SLAMF1: variants seen among roughly 807,000 people sequenced by gnomAD.
SLAMF1 encodes the protein signaling lymphocytic activation molecule.
SLAMF1 carries 18 observed loss-of-function variants against 35.1 expected under a neutral mutation model. That is an observed-to-expected ratio of 0.51 (90% CI 0.35 to 0.76). The LOEUF (loss-of-function observed/expected upper bound fraction) is 0.76. Ranked by LOEUF, SLAMF1 falls within the 30% of genes least tolerant of loss-of-function variation. SLAMF1 has a pLI of 0.01. For missense variants in SLAMF1, 392 were observed against 413.0 expected, an observed-to-expected ratio of 0.95 and a Z score of 0.44; for synonymous variants, 168 against 157.2, an observed-to-expected ratio of 1.07 and a Z score of -0.51.
chr1:160,633,455 G>A (rs955065860), intron 3 of SLAMF1, among the ~76,000 whole-genome samples: 1 of 152,198 alleles, frequency 6.6e-6, no homozygotes, highest in Non-Finnish European at 1.5e-5. Flanking sequence ...GTGCTATGTG[G>A]AAGGGCATTA....
At chr1:160,631,260 A>G (rs894051055) in intron 3 of SLAMF1, among the ~76,000 whole-genome samples, 1 of 152,234 alleles carries the variant, frequency 6.6e-6, no homozygotes, top group Non-Finnish European at 1.5e-5. Flanking sequence ...AGGGCAGGCC[A>G]CAAACCAGCT....
chr1:160,639,879 T>C (rs975692201), intron 1 of SLAMF1, among the ~76,000 whole-genome samples: 2 of 152,164 alleles, frequency 1.3e-5, no homozygotes, highest in African/African-American at 4.8e-5. Context: ...ACGGCCACAC[T>C]GGCTCCTGGC....
At position 160,646,903 on chromosome 1, in the gene SLAMF1, G is replaced by A. The variant is rs1192157678; in HGVS notation, c.43C>T (p.Leu15Phe). The A allele has an allele frequency of 1.2e-6, 2 of 1,609,078 alleles. No individual in the cohort carries two copies. The highest frequency in any genetic ancestry group is 1.7e-6 in the Non-Finnish European group (2 of 1,175,884). Residue 15 changes from leucine (L) to phenylalanine (F), a missense_variant, in exon 1 of 7, where the codon CTC becomes TTC. By Grantham distance (22) the Leu-to-Phe change is conservative (BLOSUM62 0). Coordinates refer to ENST00000302035, the MANE Select transcript of SLAMF1 (RefSeq NM_003037.5). ...TAGCTTGCCCCAAAAGCCAGGGAGA[G>A]AAACAGCACGAAGGTCAAGGAGAGG... ...GLLSLTFVLF[L>F]SLAFGASYGT... is the part of the protein sequence containing the mutation.
intron 1 of SLAMF1, among the ~76,000 whole-genome samples, chr1:160,644,324 G>A (rs60563538): frequency 0.013 from 1,905 of 152,274 alleles, 40 homozygotes; most frequent in African/African-American, 0.043. Flanking sequence ...GCAGCTATGT[G>A]AGCGCAGAGA....
rs138977303 is a variant in SLAMF1 at position 160,643,837 on chromosome 1, T to C, written c.76+3033A>G. Among the ~76,000 whole-genome samples the C allele has an allele frequency of 2.4e-3, 367 of 152,302 alleles. 4 individuals are homozygous for C. The highest frequency in any genetic ancestry group is 5.8e-3 in the South Asian group (28 of 4,828). ...TTGTTAACTATAGTCACCGTACTGA[T>C]CTATCAAACACGAAGACCTATACAT... On this transcript the variant is annotated intron_variant, in intron 1 of 6. Transcript: ENST00000302035.
rs1200818994 is a variant in SLAMF1, at chr1:160,612,496, A to ACTCTGGGACAGG, written c.937_948dup (p.Pro313_Glu316dup). The ACTCTGGGACAGG allele has an allele frequency of 3.1e-6, 5 of 1,608,008 alleles. No homozygotes were observed. The highest frequency in any genetic ancestry group is 1.7e-5 in the Admixed American group (1 of 59,844). ...GCAGAGAGATGCCTCACCTGGACAG[A>ACTCTGGGACAGG]CTCTGGGACAGGCTCTGTGGCAGCA... On this transcript the variant is annotated inframe_insertion, in exon 6 of 7. Transcript: ENST00000302035.
At chr1:160,635,530 A>G (rs1444452153) in intron 2 of SLAMF1, among the ~76,000 whole-genome samples, 2 of 151,132 alleles carry the variant, frequency 1.3e-5, no homozygotes, top group Non-Finnish European at 3.0e-5. Flanking sequence ...TTTAGCAACT[A>G]TTATAGGACA....
At chr1:160,623,509 A>G (rs977774424) in intron 4 of SLAMF1, 1 of 398,574 alleles carries the variant, frequency 2.5e-6, no homozygotes, top group African/African-American at 2.1e-5. Flanking sequence ...TTACCATGGG[A>G]AGGCAGCCGG....
intron 1 of SLAMF1, among the ~76,000 whole-genome samples, chr1:160,641,261 A>G (rs1660729250): frequency 6.6e-6 from 1 of 152,124 alleles, no homozygotes; most frequent in African/African-American, 2.4e-5. Context: ...TTGATTTTTA[A>G]AGACCAACTT....
intron 1 of SLAMF1, among the ~76,000 whole-genome samples, chr1:160,645,964 T>G (rs1051405896): frequency 4.6e-5 from 7 of 152,124 alleles, no homozygotes; most frequent in African/African-American, 1.7e-4. Flanking sequence ...CCTCTTCTAC[T>G]CCAGGCTACC....
intron 2 of SLAMF1, among the ~76,000 whole-genome samples, chr1:160,636,209 G>A (rs11580370): frequency 0.11 from 16,621 of 152,284 alleles, 1,028 homozygotes; most frequent in African/African-American, 0.16. Context: ...GCTCATGGCA[G>A]TCGTGCCTGG....
At chr1:160,631,121 G>A (rs545175220) in intron 3 of SLAMF1, among the ~76,000 whole-genome samples, 6 of 152,352 alleles carry the variant, frequency 3.9e-5, no homozygotes, top group Non-Finnish European at 7.3e-5. Flanking sequence ...ACAATGTAGA[G>A]TGTAAATGTT....
At chr1:160,637,585 T>G (rs1660524602) in intron 1 of SLAMF1, 56 bp from the exon 2 acceptor site, 1 of 1,274,362 alleles carries the variant, frequency 7.8e-7, no homozygotes, top group African/African-American at 1.5e-5. Flanking sequence ...GACAACATCG[T>G]GTCAGCAGAT....
intron 5 of SLAMF1, among the ~76,000 whole-genome samples, chr1:160,618,571 C>G (rs574858416): frequency 1.3e-5 from 2 of 152,282 alleles, no homozygotes; most frequent in African/African-American, 4.8e-5. Flanking sequence ...GAGTAGAGAA[C>G]AGACTCCAGT....
intron 6 of SLAMF1, 123 bp from the exon 7 acceptor site, chr1:160,610,921 G>A: frequency 1.3e-6 from 1 of 772,564 alleles, no homozygotes; most frequent in South Asian, 1.6e-5. Context: ...TGCAGGGTCT[G>A]TCACAGACAG....
At chr1:160,616,875 G>A (rs1416278410) in intron 5 of SLAMF1, among the ~76,000 whole-genome samples, 1 of 152,088 alleles carries the variant, frequency 6.6e-6, no homozygotes, top group South Asian at 2.1e-4. Context: ...AGCAATTGAG[G>A]CCAGGAGTGG....
intron 5 of SLAMF1, among the ~76,000 whole-genome samples, chr1:160,618,507 C>T (rs1454304820): frequency 6.6e-6 from 1 of 151,848 alleles, no homozygotes; most frequent in African/African-American, 2.4e-5. Context: ...CGAGTGTTTG[C>T]AAAGTAAGAC....
At chr1:160,643,447 C>T (rs897666749) in intron 1 of SLAMF1, among the ~76,000 whole-genome samples, 2 of 152,192 alleles carry the variant, frequency 1.3e-5, no homozygotes, top group Non-Finnish European at 2.9e-5. Context: ...ATTTGCTCCT[C>T]TCGGGAAAAA....
At chr1:160,643,046 C>T (rs1297986954) in intron 1 of SLAMF1, among the ~76,000 whole-genome samples, 2 of 21,144 alleles carry the variant, frequency 9.5e-5, no homozygotes, top group Non-Finnish European at 6.0e-3. Flanking sequence ...GCTTTGGCCC[C>T]CCACTTCCCC....
Sources: gnomAD v4.1 joint callset for allele counts (sites outside exome capture counted in the v4.1 genomes callset) on GRCh38, gnomAD v4.1.1 for gene constraint, MANE v1.5 for transcripts, NCBI Gene and HGNC (gene_info 2026-07-23, HGNC 2026-07-21) for gene names.